RNASET2: variants seen among roughly 807,000 people sequenced by gnomAD.
The protein encoded by RNASET2 is ribonuclease T2.
In RNASET2, 28 loss-of-function variants were observed where a neutral mutation model predicts 33.9. The observed-to-expected ratio is 0.83, with a 90% CI of 0.61 to 1.13. RNASET2 has a LOEUF of 1.13. Ranked by LOEUF, RNASET2 falls within the 50% of genes most tolerant of loss-of-function variation. The pLI is 0.00. For synonymous variants in RNASET2, 123 were observed against 121.0 expected, an observed-to-expected ratio of 1.02 and a Z score of -0.11; for missense variants, 330 against 319.9, an observed-to-expected ratio of 1.03 and a Z score of -0.24.
At position 166,938,627 on chromosome 6, in the gene RNASET2, T is replaced by C. The variant is rs370562526; in HGVS notation, c.446+268A>G. On this transcript the variant is annotated intron_variant, in intron 6 of 8. Coordinates refer to ENST00000508775, the MANE Select transcript of RNASET2 (RefSeq NM_003730.6). ...TGCTGGTTGGAGTCCTCGTTTTCCC[T>C]ATGGCCGACTCTGATGATGAGATGG... 10 of 708,896 alleles carry C rather than the reference T, an allele frequency of 1.4e-5. No homozygotes were observed. In the East Asian group the frequency reaches 2.9e-4, roughly 21 times the overall value. 43.9% of individuals were successfully genotyped at this position (708,896 alleles called of 1,614,324 possible). A position where few individuals can be genotyped will look rare whatever the true frequency, so the allele number is the denominator to read the frequency against.
chr6:166,942,202 G>A (rs535226668), intron 5 of RNASET2, among the ~76,000 whole-genome samples: 47 of 152,116 alleles, frequency 3.1e-4, no homozygotes, highest in Admixed American at 2.6e-3. Context: ...ACAAGCGTAC[G>A]CCATCATGCC....
chr6:166,930,105 G>C (rs989074949), intron 8 of RNASET2, among the ~76,000 whole-genome samples: 1 of 152,184 alleles, frequency 6.6e-6, no homozygotes, highest in Non-Finnish European at 1.5e-5. Flanking sequence ...AATTAACAAA[G>C]TTACACACAG....
At chr6:166,955,335 GCACACGCACA>G in intron 1 of RNASET2, 1 of 83,260 alleles carries the variant, frequency 1.2e-5, no homozygotes, top group Non-Finnish European at 1.6e-5. Context: ...ACGCACGCAC[GCACACGCACA>G]CGCACGCACA....
At chr6:166,946,771 A>C in intron 3 of RNASET2, 32 bp from the exon 4 acceptor site, 1 of 1,386,620 alleles carries the variant, frequency 7.2e-7, no homozygotes. Context: ...AGAAAATAAG[A>C]AATATTAGGC....
In RNASET2 at chr6:166,924,250, G is replaced by T. The variant is rs1388608769; in HGVS notation, c.*5338C>A. Among the ~76,000 whole-genome samples the T allele has an allele frequency of 1.3e-5, 2 of 152,058 alleles. No individual in the cohort carries two copies. Among genetic ancestry groups the T allele is most frequent in the African/African-American group, 4.8e-5 (2 of 41,390 alleles). ...CGAGTAGCTGGGACTACAGGTGCCC[G>T]CCACCATGCCCGGCCAATTTTTGTA... On this transcript the variant is annotated 3_prime_UTR_variant, in exon 9 of 9. Coordinates refer to ENST00000508775, the MANE Select transcript of RNASET2 (RefSeq NM_003730.6).
intron 1 of RNASET2, among the ~76,000 whole-genome samples, chr6:166,954,099 C>G (rs1436534321): frequency 1.3e-5 from 2 of 152,164 alleles, no homozygotes; most frequent in Non-Finnish European, 2.9e-5. Flanking sequence ...AGTGATGTGA[C>G]TGCAGGAGAC....
At chr6:166,948,757 C>A in intron 2 of RNASET2, 132 bp from the exon 3 acceptor site, 1 of 703,010 alleles carries the variant, frequency 1.4e-6, no homozygotes, top group Admixed American at 2.1e-5. Flanking sequence ...ACTAATAACA[C>A]AAGCTAAAGC....
chr6:166,955,221 GCGCACA>G (rs1162376044), intron 1 of RNASET2, among the ~76,000 whole-genome samples: 6 of 94,006 alleles, frequency 6.4e-5, no homozygotes, highest in African/African-American at 1.9e-4. Flanking sequence ...ACGCACACAC[GCGCACA>G]CACGCACGCA....
intron 7 of RNASET2, chr6:166,932,599 T>C (rs1562494254): frequency 6.6e-6 from 1 of 152,154 alleles, no homozygotes; most frequent in Non-Finnish European, 1.5e-5. Flanking sequence ...AACAGATGAG[T>C]GGATACGTGG....
chr6:166,950,886 A>G (rs1342445777), intron 2 of RNASET2, among the ~76,000 whole-genome samples: 1 of 152,230 alleles, frequency 6.6e-6, no homozygotes, highest in East Asian at 1.9e-4. Context: ...TGTAGGGACC[A>G]GCCCTACAGG....
chr6:166,928,585 G>A lies in RNASET2; in HGVS notation c.*1003C>T, dbSNP rs79257280. On this transcript the variant is annotated 3_prime_UTR_variant, in exon 9 of 9. Coordinates refer to ENST00000508775, the MANE Select transcript of RNASET2 (RefSeq NM_003730.6). ...TAAAACATAAATAGGACGTTAATGT[G>A]ATTAAGACAAACAGAGAAAAGGATT... is the stretch of plus-strand genomic sequence containing the variant. Among the ~76,000 whole-genome samples the A allele has an allele frequency of 0.013, 2,013 of 152,188 alleles. 34 individuals are homozygous for A. The highest frequency in any genetic ancestry group is 0.046 in the African/African-American group (1,906 of 41,494).
chr6:166,936,031 C>T (rs1269133175), intron 6 of RNASET2, among the ~76,000 whole-genome samples: 1 of 152,112 alleles, frequency 6.6e-6, no homozygotes, highest in Non-Finnish European at 1.5e-5. Context: ...ATTTGTGATA[C>T]CAGTTTACAA....
At chr6:166,945,426 C>A (rs1778809665) in intron 4 of RNASET2, 1 of 154,736 alleles carries the variant, frequency 6.5e-6, no homozygotes, top group African/African-American at 2.4e-5. Flanking sequence ...GAGCTAGAGA[C>A]AGCACCAGGC....
chr6:166,956,224 G>T lies in RNASET2; in HGVS notation c.-42C>A. The T allele has an allele frequency of 1.3e-6, 2 of 1,505,002 alleles. No individual in the cohort carries two copies. The highest frequency in any genetic ancestry group is 1.8e-6 in the Non-Finnish European group (2 of 1,106,902). 93.2% of individuals were successfully genotyped at this position (1,505,002 alleles called of 1,614,324 possible). ...GAGAACGCTGCCAGCTGCCGCTCCG[G>T]CTCCCACTTCCCACCTGCTGCCCGA... On this transcript the variant is annotated 5_prime_UTR_variant, in exon 1 of 9. Coordinates refer to ENST00000508775, the MANE Select transcript of RNASET2 (RefSeq NM_003730.6).
At chr6:166,938,570 C>T (rs1778621058) in intron 6 of RNASET2, 2 of 598,216 alleles carry the variant, frequency 3.3e-6, no homozygotes, top group East Asian at 4.2e-5. Flanking sequence ...ATGCACTATC[C>T]TTTATCAGGA....
At chr6:166,943,163 T>C in intron 4 of RNASET2, 74 bp from the exon 5 acceptor site, 1 of 1,040,708 alleles carries the variant, frequency 9.6e-7, no homozygotes, top group Non-Finnish European at 1.5e-6. Context: ...GTAAATTTGA[T>C]AAACTGACAC....
chr6:166,934,044 G>T (rs773368914), intron 7 of RNASET2, 47 bp downstream of exon 7: 54 of 1,471,970 alleles, frequency 3.7e-5, no homozygotes, highest in Non-Finnish European at 4.5e-5. Context: ...CCCTACTGGA[G>T]GTCCCCGGGA....
intron 2 of RNASET2, among the ~76,000 whole-genome samples, chr6:166,951,699 G>A (rs928031852): frequency 6.6e-6 from 1 of 152,250 alleles, no homozygotes; most frequent in African/African-American, 2.4e-5. Flanking sequence ...TTGGAATAAA[G>A]AGCAATGCTA....
At chr6:166,945,699 G>A (rs769562662) in intron 4 of RNASET2, among the ~76,000 whole-genome samples, 4 of 151,770 alleles carry the variant, frequency 2.6e-5, no homozygotes, top group African/African-American at 4.8e-5. Context: ...GCATGGTGGC[G>A]CATGCCTGTA....
Sources: allele counts gnomAD v4.1 joint callset (sites outside exome capture counted in the v4.1 genomes callset), GRCh38; gene constraint gnomAD v4.1.1; transcripts MANE v1.5; gene names NCBI Gene and HGNC (gene_info 2026-07-23, HGNC 2026-07-21).